AMMECR1: variants seen among roughly 807,000 people sequenced by gnomAD.
The protein encoded by AMMECR1 is nuclear protein AMMECR1.
A neutral mutation model predicts 22.5 loss-of-function variants in AMMECR1; 3 were observed. That is an observed-to-expected ratio of 0.13 (90% CI 0.06 to 0.35). The LOEUF is 0.35. AMMECR1 is among the 10% of genes least tolerant of loss of function. The pLI, the probability that AMMECR1 is intolerant of heterozygous loss-of-function variation, is 1.00. For synonymous variants in AMMECR1, 130 were observed against 116.7 expected (o/e 1.11, Z -0.74); for missense variants, 235 against 278.7 (o/e 0.84, Z 1.12).
chrX:110,322,098 T>A (rs1396381780), upstream of AMMECR1, among the ~76,000 whole-genome samples: 1 of 112,631 alleles, frequency 8.9e-6, no homozygotes, highest in Non-Finnish European at 1.9e-5. Context: ...CTTGGATTGT[T>A]TTCTAGTTGT....
At chrX:110,409,396 C>T (rs1470966924) in intron 2 of AMMECR1, among the ~76,000 whole-genome samples, 1 of 111,781 alleles carries the variant, frequency 8.9e-6, no homozygotes, top group Non-Finnish European at 1.9e-5. Context: ...GTTGTGTTTA[C>T]ATTCTCACTT....
At chrX:110,284,799 A>G (rs2067870902) in intron 1 of AMMECR1, among the ~76,000 whole-genome samples, 1 of 112,256 alleles carries the variant, frequency 8.9e-6, no homozygotes, top group African/African-American at 3.2e-5. Flanking sequence ...CACACAAAGT[A>G]CCAAAGAATG....
intron 2 of AMMECR1, 148 bp downstream of exon 2, chrX:110,264,340 AG>A (rs781098684): frequency 3.9e-4 from 148 of 374,809 alleles, no homozygotes; most frequent in African/African-American, 3.6e-3. Flanking sequence ...ACCAGAGAAA[AG>A]GTAAATGGTT....
intron 5 of AMMECR1, 49 bp downstream of exon 5, chrX:110,200,905 C>A: frequency 1.1e-6 from 1 of 922,744 alleles, no homozygotes; most frequent in Non-Finnish European, 1.6e-6. Context: ...TATAGGCATA[C>A]ACATCAAAAT....
intron 3 of AMMECR1, among the ~76,000 whole-genome samples, chrX:110,214,006 G>A (rs2067460285): frequency 9.0e-6 from 1 of 110,862 alleles, no homozygotes; most frequent in South Asian, 3.8e-4. Context: ...GCTCACGCCT[G>A]TAATCCCAGC....
intron 1 of AMMECR1, among the ~76,000 whole-genome samples, chrX:110,303,379 T>C (rs1602877542): frequency 2.7e-5 from 3 of 112,125 alleles, no homozygotes; most frequent in African/African-American, 9.7e-5. Flanking sequence ...ATGCACGTTG[T>C]TTGAAGTCTG....
At chrX:110,305,870 C>A (rs2067991101) in intron 1 of AMMECR1, among the ~76,000 whole-genome samples, 1 of 110,890 alleles carries the variant, frequency 9.0e-6, no homozygotes, top group Non-Finnish European at 1.9e-5. Context: ...GTAATCACAG[C>A]AACTCGGGAG....
At chrX:110,426,722 G>A (rs1169055606) in exon 2 of AMMECR1, 1 of 111,790 alleles carries the variant, frequency 8.9e-6, no homozygotes, top group African/African-American at 3.3e-5. Context: ...TCATGTCAGG[G>A]TAGTCACCGT....
chrX:110,250,012 T>C (rs768132527), intron 2 of AMMECR1, among the ~76,000 whole-genome samples: 6 of 112,131 alleles, frequency 5.4e-5, no homozygotes, highest in Non-Finnish European at 1.1e-4. Context: ...ACTCCTGCAG[T>C]TGAATAGTTC....
In AMMECR1 at chrX:110,351,842, C is replaced by T. The variant is rs752080238; in HGVS notation, c.-147-33993G>A. 5.4e-5 allele frequency among the ~76,000 whole-genome samples: 6 copies of T among 112,050 alleles called. No homozygotes were observed. In the South Asian group the frequency reaches 2.2e-3, roughly 42 times the overall value. ...GTTTGCAAACCATGTTTGATAAGTA[C>T]TTGTATCCAGAATATATAATTCTTA... On this transcript the variant is annotated intron_variant, in intron 2 of 7. Transcript: ENST00000372057.
chrX:110,325,022 G>A (rs754238675), intron 2 of AMMECR1, among the ~76,000 whole-genome samples: 5 of 111,336 alleles, frequency 4.5e-5, no homozygotes, highest in Non-Finnish European at 7.6e-5. Flanking sequence ...AATGATTTGG[G>A]CAGTTTCCTT....
chrX:110,275,581 AG>A (rs2067821857), intron 1 of AMMECR1, among the ~76,000 whole-genome samples: 1 of 111,395 alleles, frequency 9.0e-6, no homozygotes, highest in Non-Finnish European at 1.9e-5. Context: ...CTGTAATCCT[AG>A]CACTTTGGGA....
chrX:110,399,362 G>T (rs930254353), intron 2 of AMMECR1, among the ~76,000 whole-genome samples: 1 of 112,284 alleles, frequency 8.9e-6, no homozygotes, highest in Non-Finnish European at 1.9e-5. Flanking sequence ...TTAAACCTAC[G>T]CTGGTCTGGC....
chrX:110,365,393 C>T (rs778121540), intron 2 of AMMECR1, among the ~76,000 whole-genome samples: 1 of 112,354 alleles, frequency 8.9e-6, no homozygotes, highest in South Asian at 3.7e-4. Context: ...ATTTACAATT[C>T]CAGCCAATAA....
intron 2 of AMMECR1, among the ~76,000 whole-genome samples, chrX:110,259,591 CTT>C (rs56156052): frequency 2.0e-4 from 19 of 94,729 alleles, no homozygotes; most frequent in Admixed American, 2.3e-4. Context: ...CTTTCTTTTT[CTT>C]TTTTTTTTTT....
At chrX:110,256,969 A>G (rs1204663923) in intron 2 of AMMECR1, among the ~76,000 whole-genome samples, 2 of 111,851 alleles carry the variant, frequency 1.8e-5, no homozygotes, top group Non-Finnish European at 3.8e-5. Flanking sequence ...AGTTACATCA[A>G]AGCATAACCA....
chrX:110,422,649 G>A (rs978878153), intron 2 of AMMECR1, among the ~76,000 whole-genome samples: 3 of 112,350 alleles, frequency 2.7e-5, no homozygotes, highest in African/African-American at 9.7e-5. Context: ...CCATGCCTGG[G>A]TATTTTTCCC....
Position 110,359,534 on chromosome X carries a change from CT to C in AMMECR1, c.-147-41686del, listed in dbSNP as rs1462704859. Among the ~76,000 whole-genome samples, 4 of 111,779 alleles carry C rather than the reference CT, an allele frequency of 3.6e-5. No homozygotes were observed. The East Asian group carries it at 1.1e-3, about 31-fold the overall frequency. Reference sequence around the variant, plus strand: ...CTTTCCTGAAGTCTCACACAACCATCTAGTGGCAAAGTGCACTAGAATCCAG... The same window carrying C: ...CTTTCCTGAAGTCTCACACAACCATCAGTGGCAAAGTGCACTAGAATCCAG... On this transcript the variant is annotated intron_variant, in intron 2 of 7. Transcript: ENST00000372057.
chrX:110,360,046 A>C (rs181462022), intron 2 of AMMECR1, among the ~76,000 whole-genome samples: 64 of 112,082 alleles, frequency 5.7e-4, no homozygotes, highest in African/African-American at 1.9e-3. Flanking sequence ...TGAATGGAGG[A>C]AGCAGTTTGA....
Sources: allele counts gnomAD v4.1 joint callset (sites outside exome capture counted in the v4.1 genomes callset), GRCh38; gene constraint gnomAD v4.1.1; transcripts MANE v1.5; gene names NCBI Gene and HGNC (gene_info 2026-07-23, HGNC 2026-07-21).